Variants in ABCA12 observed in about 807,000 individuals in gnomAD.
ABCA12 encodes the protein ATP binding cassette subfamily A member 12.
In ABCA12, 156 loss-of-function variants were observed where a neutral mutation model predicts 293.5. The observed-to-expected ratio is 0.53, with a 90% CI of 0.47 to 0.61. The LOEUF is 0.61. Among genes scored for constraint, ABCA12 ranks in the 20% least tolerant of loss-of-function variants. ABCA12 has a pLI of 0.00. For synonymous variants in ABCA12, 1,063 were observed against 1,108.0 expected, an observed-to-expected ratio of 0.96 and a Z score of 0.81; for missense variants, 2,797 against 3,090.2, an observed-to-expected ratio of 0.91 and a Z score of 2.25.
chr2:215,015,418 G>T, intron 15 of ABCA12, 72 bp downstream of exon 15: 1 of 1,394,262 alleles, frequency 7.2e-7, no homozygotes, highest in South Asian at 1.2e-5. Context: ...TAGTATCAGA[G>T]AACATAAATG....
intron 28 of ABCA12, among the ~76,000 whole-genome samples, chr2:214,985,521 A>G (rs899147729): frequency 1.3e-5 from 2 of 152,164 alleles, no homozygotes; most frequent in Non-Finnish European, 2.9e-5. Context: ...TTACCTGTGT[A>G]ACAAACCTGC....
In ABCA12 at chr2:214,978,854, C is replaced by G. The variant is rs759068959; in HGVS notation, c.4927G>C (p.Gly1643Arg). ...CCGTAGCACCCGATGTTGAGGTCAC[C>G]CATGCCATTGTCGAGTGCCCGTAGG... ...SLLRALDNGM[G>R]DLNIGCYGIS... Residue 1643 changes from glycine (G) to arginine (R), a missense_variant, in exon 32 of 53, where the codon GGT (glycine) becomes CGT (arginine). Around this residue, in one of 3 missense-constraint regions of ABCA12, gnomAD observed 2,130 missense variants for 2,427.0 expected, o/e 0.88. Coordinates refer to ENST00000272895, the MANE Select transcript of ABCA12 (RefSeq NM_173076.3). The G allele has an allele frequency of 3.1e-6, 5 of 1,613,918 alleles. No individual in the cohort carries two copies. The African/African-American group carries it at 6.7e-5, about 22-fold the overall frequency.
rs369858045 is a variant in ABCA12, at chr2:215,008,276, AAAATG to A, written c.2473-435_2473-431del. On this transcript the variant is annotated intron_variant, in intron 18 of 52. Transcript: ENST00000272895. ...GCAATTTGACAATGGCTATTAAAAT[AAAATG>A]CAATATCCTTCAACCCCTCAATTCT... 1.7e-3 allele frequency among the ~76,000 whole-genome samples: 261 copies of A among 152,312 alleles called. 1 individual carries two copies. Among genetic ancestry groups the A allele is most frequent in the African/African-American group, 5.9e-3 (246 of 41,584 alleles).
At chr2:215,120,591 T>A (rs1702786502) in intron 1 of ABCA12, among the ~76,000 whole-genome samples, 1 of 152,078 alleles carries the variant, frequency 6.6e-6, no homozygotes, top group South Asian at 2.1e-4. Context: ...TGTGTGAAGA[T>A]CCACAGATGG....
Sources: allele counts gnomAD v4.1 joint callset (sites outside exome capture counted in the v4.1 genomes callset), GRCh38; gene constraint gnomAD v4.1.1; regional missense constraint gnomAD v4.1.1; transcripts MANE v1.5; gene names NCBI Gene and HGNC (gene_info 2026-07-23, HGNC 2026-07-21).